The following SRSF11 variants were observed in gnomAD, a reference collection of about 807,000 sequenced individuals.
SRSF11 encodes the protein serine/arginine-rich splicing factor 11.
Under a neutral mutation model 56.0 loss-of-function variants are expected in SRSF11, and 9 were observed. The ratio of observed to expected loss-of-function variants is 0.16; its 90% confidence interval spans 0.10 to 0.28. SRSF11 has a LOEUF of 0.28. Ranked by LOEUF, SRSF11 falls within the 10% of genes least tolerant of loss-of-function variation. The pLI is 1.00. For synonymous variants in SRSF11, 222 were observed against 215.3 expected, an observed-to-expected ratio of 1.03 and a Z score of -0.27; for missense variants, 421 against 600.7, an observed-to-expected ratio of 0.70 and a Z score of 3.13.
chr1:70,221,291 C>G (rs1353132037), upstream of SRSF11: 1 of 298,180 alleles, frequency 3.4e-6, no homozygotes, highest in Non-Finnish European at 6.2e-6. Context: ...ATTTCTCGGG[C>G]TGCAGGCGAC....
chr1:70,221,290 G>A (rs1185278224), upstream of SRSF11: 1 of 297,998 alleles, frequency 3.4e-6, no homozygotes, highest in South Asian at 1.0e-4. Context: ...CATTTCTCGG[G>A]CTGCAGGCGA....
chr1:70,250,831 G>A lies in SRSF11; in HGVS notation c.*26G>A, dbSNP rs1321120110. The A allele has an allele frequency of 1.3e-6, 2 of 1,584,700 alleles. No homozygotes were observed. Among genetic ancestry groups the A allele is most frequent in the African/African-American group, 1.3e-5 (1 of 74,288 alleles). The stretch of plus-strand genomic sequence containing the variant: ...ATATTGCCTCTGAGGGAGTCCAACT[G>A]TATACCTGCATCAGTGTCATTCCTT... On this transcript the variant is annotated 3_prime_UTR_variant, in exon 12 of 12. Coordinates refer to ENST00000370949, the MANE Select transcript of SRSF11 (RefSeq NM_001350605.2).
At chr1:70,240,838 C>T (rs190287411) in intron 7 of SRSF11, among the ~76,000 whole-genome samples, 89 of 149,854 alleles carry the variant, frequency 5.9e-4, no homozygotes, top group African/African-American at 2.1e-3. Context: ...TGCAATGGCA[C>T]GATCTTGGCT....
upstream of SRSF11, among the ~76,000 whole-genome samples, chr1:70,217,970 G>GTTTGTTT (rs111949780): frequency 0.1 from 15,116 of 151,726 alleles, 878 homozygotes; most frequent in East Asian, 0.3. Context: ...GGTTTTTTTT[G>GTTTGTTT]TTTGTTTTTT....
chr1:70,231,064 G>C, intron 2 of SRSF11: 1 of 1,289,376 alleles, frequency 7.8e-7, no homozygotes, highest in Non-Finnish European at 1.0e-6. Flanking sequence ...ATTTAACAGT[G>C]GTTTTTCTTT....
chr1:70,236,055 A>G (rs1009489551), intron 5 of SRSF11, among the ~76,000 whole-genome samples: 2 of 152,160 alleles, frequency 1.3e-5, no homozygotes, highest in Non-Finnish European at 2.9e-5. Flanking sequence ...TTTGAACTTT[A>G]TACCTTTTCC....
chr1:70,231,798 T>C, intron 2 of SRSF11: 1 of 1,358,062 alleles, frequency 7.4e-7, no homozygotes, highest in Non-Finnish European at 9.7e-7. Flanking sequence ...TACCATATTA[T>C]TAACCCCTAA....
chr1:70,229,841 C>G, intron 2 of SRSF11: 1 of 983,374 alleles, frequency 1.0e-6, no homozygotes, highest in Non-Finnish European at 1.2e-6. Context: ...AATAGTACCT[C>G]TGTCTCCATG....
chr1:70,234,594 AAACTC>A, intron 3 of SRSF11, 97 bp from the exon 4 acceptor site: 2 of 877,278 alleles, frequency 2.3e-6, no homozygotes, highest in Non-Finnish European at 3.5e-6. Context: ...TGTAGCCTGA[AAACTC>A]AAGTTGTTAT....
At chr1:70,242,901 C>A (rs1675816720) in intron 7 of SRSF11, among the ~76,000 whole-genome samples, 1 of 152,126 alleles carries the variant, frequency 6.6e-6, no homozygotes, top group Non-Finnish European at 1.5e-5. Flanking sequence ...AAAAGACTTA[C>A]TTCCCATGTC....
rs769108656 is a variant in SRSF11, at chr1:70,250,395, C to T, written c.1149C>T (p.Asp383=). ...RHKKEKKKDK[D]KERSRDERER... The stretch of plus-strand genomic sequence containing the variant: ...AAAAGGAGAAGAAGAAAGATAAAGA[C>T]AAAGAAAGAAGTAGGGATGAAAGAG... Residue 383 remains aspartate, a synonymous_variant, in exon 11 of 12, where the codon GAC becomes GAT. Coordinates refer to ENST00000370949, the MANE Select transcript of SRSF11 (RefSeq NM_001350605.2). The T allele has an allele frequency of 1.2e-6, 2 of 1,602,892 alleles. No individual in the cohort carries two copies.
In SRSF11 at chr1:70,239,662, C is replaced by A. The variant is rs142953999; in HGVS notation, c.800+142C>A. 1.2e-3 allele frequency: 645 copies of A among 550,020 alleles called. 1 individual carries two copies. Among genetic ancestry groups the A allele is most frequent in the Admixed American group, 2.3e-3 (61 of 26,458 alleles). 34.1% of individuals were successfully genotyped at this position (550,020 alleles called of 1,614,324 possible). A position where few individuals can be genotyped will look rare whatever the true frequency, so the allele number is the denominator to read the frequency against. ...CTGTTAGAATGTGTGAATGACTGTT[C>A]ACACATGTAAAAAGTAAGAAAAGCG... On this transcript the variant is annotated intron_variant, in intron 7 of 11. Coordinates refer to ENST00000370949, the MANE Select transcript of SRSF11 (RefSeq NM_001350605.2).
Position 70,236,792 on chromosome 1 carries a change from A to ATTTT in SRSF11, c.591-607_591-604dup, listed in dbSNP as rs35602423. On this transcript the variant is annotated intron_variant, in intron 5 of 11. Coordinates refer to ENST00000370949, the MANE Select transcript of SRSF11 (RefSeq NM_001350605.2). ...TCCCCAAAAAATTACTATGTCATAA[A>ATTTT]TTTTTTTTTTTTTTTTTTTTTTTTT... Among the ~76,000 whole-genome samples the ATTTT allele has an allele frequency of 1.9e-3, 161 of 83,782 alleles. 6 individuals are homozygous for ATTTT. The highest frequency in any genetic ancestry group is 2.4e-3 in the African/African-American group (57 of 23,426). 55.0% of individuals were successfully genotyped at this position (83,782 alleles called of 152,430 possible). A position where few individuals can be genotyped will look rare whatever the true frequency, so the allele number is the denominator to read the frequency against.
At chr1:70,225,668 G>A (rs1269043649) in intron 1 of SRSF11, among the ~76,000 whole-genome samples, 1 of 152,126 alleles carries the variant, frequency 6.6e-6, no homozygotes, top group Non-Finnish European at 1.5e-5. Flanking sequence ...TCTCTCTGTA[G>A]TCTAGAAGAT....
At chr1:70,239,373 T>G in intron 6 of SRSF11, 66 bp from the exon 7 acceptor site, 1 of 1,128,516 alleles carries the variant, frequency 8.9e-7, no homozygotes, top group South Asian at 1.4e-5. Context: ...ATTACAGGCA[T>G]GAGCCACTGC....
intron 5 of SRSF11, 139 bp downstream of exon 5, chr1:70,235,689 A>G: frequency 2.5e-6 from 2 of 787,756 alleles, no homozygotes; most frequent in Non-Finnish European, 4.0e-6. Flanking sequence ...CCTAGAAACA[A>G]GGAGAGAAAT....
Position 70,237,449 on chromosome 1 carries a change from C to T in SRSF11, c.615C>T (p.Leu205=), listed in dbSNP as rs1237703668. 1.2e-5 allele frequency: 20 copies of T among 1,613,410 alleles called. No homozygotes were observed. In the Admixed American group the frequency reaches 2.3e-4, roughly 19 times the overall value. ...GGTTGAATCATGTAGCTGCTGGTCT[C>T]GTTTCACCAAGTCTGAAATCGGATA... is the stretch of plus-strand genomic sequence containing the variant. ...DPKLNHVAAG[L]VSPSLKSDTS... Residue 205 remains leucine, a synonymous_variant, in exon 6 of 12, where the codon CTC becomes CTT. Transcript: ENST00000370949.
At position 70,252,110 on chromosome 1, in the gene SRSF11, T is replaced by C. The variant is rs1372566767; in HGVS notation, c.*1305T>C. 1.3e-5 allele frequency: 2 copies of C among 152,560 alleles called. No homozygotes were observed. The highest frequency in any genetic ancestry group is 3.8e-4 in the East Asian group (2 of 5,198). The allele number at this position is 152,560 out of a possible 1,614,324, so 9.5% of individuals were successfully genotyped here. On this transcript the variant is annotated 3_prime_UTR_variant, in exon 12 of 12. Coordinates refer to ENST00000370949, the MANE Select transcript of SRSF11 (RefSeq NM_001350605.2). The stretch of plus-strand genomic sequence containing the variant: ...TTCCCTTTCTGTCCACATATTTCAG[T>C]ATAGTAAAAAGAGGAAGTCTATCAC...
chr1:70,214,962 A>G (rs553803957), intron 1 of SRSF11, among the ~76,000 whole-genome samples: 14 of 148,308 alleles, frequency 9.4e-5, no homozygotes, highest in African/African-American at 3.2e-4. Context: ...GCAATGGCAC[A>G]ATCTCAGCTT....
Sources: allele counts gnomAD v4.1 joint callset (sites outside exome capture counted in the v4.1 genomes callset), GRCh38; gene constraint gnomAD v4.1.1; transcripts MANE v1.5; gene names NCBI Gene and HGNC (gene_info 2026-07-23, HGNC 2026-07-21).